PCDH15: variants seen among roughly 807,000 people sequenced by gnomAD.
The protein encoded by PCDH15 is protocadherin related 15, also known as protocadherin-15.
Under a neutral mutation model 178.5 loss-of-function variants are expected in PCDH15, and 129 were observed. The ratio of observed to expected loss-of-function variants is 0.72; its 90% CI spans 0.63 to 0.84. PCDH15 has a LOEUF of 0.84. PCDH15 is among the 40% of genes least tolerant of loss of function. The pLI, the probability that PCDH15 is intolerant of heterozygous loss-of-function variation, is 0.00. For missense variants in PCDH15, 2,230 were observed against 2,099.9 expected (o/e 1.06, Z -1.21); for synonymous variants, 800 against 732.0 (o/e 1.09, Z -1.50).
intron 21 of PCDH15, among the ~76,000 whole-genome samples, chr10:53,980,111 C>T (rs931120753): frequency 2.6e-5 from 4 of 151,498 alleles, no homozygotes; most frequent in African/African-American, 9.7e-5. Context: ...ATCCAAGCTA[C>T]TTGGGAGGCT....
chr10:54,693,312 T>G (rs2095162958), intron 1 of PCDH15, among the ~76,000 whole-genome samples: 1 of 152,060 alleles, frequency 6.6e-6, no homozygotes, highest in African/African-American at 2.4e-5. Context: ...AAATGAGCCC[T>G]TTATATGAAG....
intron 2 of PCDH15, among the ~76,000 whole-genome samples, chr10:55,002,245 T>C (rs2131931489): frequency 6.6e-6 from 1 of 152,352 alleles, no homozygotes; most frequent in South Asian, 2.1e-4. Flanking sequence ...TTTAAATAGC[T>C]TAAAAGAAAA....
intron 2 of PCDH15, among the ~76,000 whole-genome samples, chr10:54,625,381 T>C (rs971435265): frequency 2.0e-5 from 3 of 152,140 alleles, no homozygotes; most frequent in Non-Finnish European, 2.9e-5. Context: ...GCCAATGATA[T>C]GGTTTGGTTC....
intron 2 of PCDH15, among the ~76,000 whole-genome samples, chr10:55,126,235 T>C (rs946362623): frequency 6.6e-6 from 1 of 152,112 alleles, no homozygotes; most frequent in African/African-American, 2.4e-5. Flanking sequence ...CACCCTTTCC[T>C]AAGCACATCT....
chr10:54,325,831 C>G (rs534328246), intron 7 of PCDH15, among the ~76,000 whole-genome samples: 2 of 152,142 alleles, frequency 1.3e-5, no homozygotes, highest in Admixed American at 6.6e-5. Context: ...ATCACTTAAA[C>G]CCCGTAGGCG....
chr10:55,559,087 A>G (rs754748357), intron 2 of PCDH15, among the ~76,000 whole-genome samples: 3 of 152,042 alleles, frequency 2.0e-5, no homozygotes, highest in Non-Finnish European at 2.9e-5. Flanking sequence ...TGCAGGTGTT[A>G]TAACAGTATT....
intron 21 of PCDH15, among the ~76,000 whole-genome samples, chr10:53,984,129 T>C (rs2090910987): frequency 9.8e-6 from 1 of 102,110 alleles, no homozygotes; most frequent in African/African-American, 3.4e-5. Context: ...TTTCTTTTTT[T>C]TTTTTTCTTT....
intron 25 of PCDH15, among the ~76,000 whole-genome samples, chr10:53,911,527 C>A (rs2083086831): frequency 6.6e-6 from 1 of 152,106 alleles, no homozygotes; most frequent in South Asian, 2.1e-4. Flanking sequence ...AAAATTGACA[C>A]CCTAACATCA....
chr10:55,180,561 G>C (rs933130158), intron 1 of PCDH15, among the ~76,000 whole-genome samples: 3 of 152,032 alleles, frequency 2.0e-5, no homozygotes, highest in African/African-American at 7.2e-5. Context: ...GCATTGTCCT[G>C]AGTTATGCAC....
chr10:54,183,391 T>G lies in PCDH15; in HGVS notation c.1590+53A>C, dbSNP rs528358275. The G allele has an allele frequency of 1.1e-5, 17 of 1,500,454 alleles. 2 individuals are homozygous for G. In the South Asian group the frequency reaches 1.7e-4, roughly 15 times the overall value. 92.9% of individuals were successfully genotyped at this position (1,500,454 alleles called of 1,614,324 possible). On this transcript the variant is annotated intron_variant, in intron 13 of 37. Coordinates refer to ENST00000644397, the MANE Select transcript of PCDH15 (RefSeq NM_001384140.1). ...ATTTCTTCATGAGCATATCGTATAA[T>G]GCACATGTAAATAACAGCTTTGAGT...
intron 15 of PCDH15, among the ~76,000 whole-genome samples, chr10:54,090,486 C>T (rs11004064): frequency 0.76 from 115,314 of 151,700 alleles, 44,561 homozygotes; most frequent in African/African-American, 0.87. Flanking sequence ...CTACCAAAAA[C>T]ACAAGAAGTT....
At chr10:54,698,030 T>C (rs1327124567) in intron 1 of PCDH15, among the ~76,000 whole-genome samples, 1 of 152,020 alleles carries the variant, frequency 6.6e-6, no homozygotes, top group Non-Finnish European at 1.5e-5. Context: ...GTGGTATTTA[T>C]AAGTAATGAA....
chr10:54,008,797 C>T (rs931928220), intron 20 of PCDH15, among the ~76,000 whole-genome samples: 1 of 151,982 alleles, frequency 6.6e-6, no homozygotes, highest in Non-Finnish European at 1.5e-5. Flanking sequence ...TGTTCAATTC[C>T]ACCAAGTCAT....
intron 1 of PCDH15, among the ~76,000 whole-genome samples, chr10:54,760,975 AACTAT>A (rs1431485606): frequency 1.3e-5 from 2 of 152,144 alleles, no homozygotes; most frequent in Non-Finnish European, 2.9e-5. Flanking sequence ...AATATAGTTC[AACTAT>A]ATTGGCTCGA....
At chr10:54,470,583 G>T (rs543030845) in intron 3 of PCDH15, among the ~76,000 whole-genome samples, 6 of 152,214 alleles carry the variant, frequency 3.9e-5, no homozygotes, top group African/African-American at 1.2e-4. Flanking sequence ...CCATCCCCAT[G>T]CAGCTTCCTA....
intron 2 of PCDH15, among the ~76,000 whole-genome samples, chr10:55,545,143 T>A (rs1034368671): frequency 1.3e-5 from 2 of 152,110 alleles, no homozygotes; most frequent in East Asian, 3.9e-4. Context: ...TAAAGAAGAC[T>A]ACTGTGCTGT....
intron 1 of PCDH15, among the ~76,000 whole-genome samples, chr10:55,304,734 G>T (rs553546017): frequency 2.4e-4 from 36 of 152,268 alleles, no homozygotes; most frequent in Admixed American, 9.1e-4. Flanking sequence ...GTCATTTAAT[G>T]TATACTGGCT....
At chr10:55,523,493 G>A (rs773129182) in intron 2 of PCDH15, among the ~76,000 whole-genome samples, 16 of 151,288 alleles carry the variant, frequency 1.1e-4, no homozygotes, top group Non-Finnish European at 1.9e-4. Context: ...CTTACCTATC[G>A]TTTTTTATGA....
At chr10:54,878,906 G>A (rs191894454) in intron 3 of PCDH15, among the ~76,000 whole-genome samples, 10 of 152,182 alleles carry the variant, frequency 6.6e-5, no homozygotes, top group Admixed American at 2.6e-4. Flanking sequence ...TCACTTATAT[G>A]TGAGATCATG....
Sources: allele counts gnomAD v4.1 joint callset (sites outside exome capture counted in the v4.1 genomes callset), GRCh38; gene constraint gnomAD v4.1.1; transcripts MANE v1.5; gene names NCBI Gene and HGNC (gene_info 2026-07-23, HGNC 2026-07-21).